The following MYO5C variants were observed in gnomAD, a reference collection of about 807,000 sequenced individuals.
MYO5C encodes the protein myosin VC, also known as unconventional myosin-Vc.
In MYO5C, 194 loss-of-function variants were observed where a neutral mutation model predicts 235.7. The ratio of observed to expected loss-of-function variants is 0.82; its 90% CI spans 0.73 to 0.93. The LOEUF (loss-of-function observed/expected upper bound fraction) is 0.93, where lower values mean the gene tolerates loss of function less well. Among genes scored for constraint, MYO5C ranks in the 40% least tolerant of loss-of-function variants. The probability of loss-of-function intolerance (pLI) is 0.00; values close to 1 mark genes in which losing one functional copy is unlikely to be tolerated. For missense variants in MYO5C, 2,038 were observed against 2,127.2 expected, an observed-to-expected ratio of 0.96 and a Z score of 0.82; for synonymous variants, 707 against 754.8, an observed-to-expected ratio of 0.94 and a Z score of 1.04.
chr15:52,293,949 C>T (rs2037446610), intron 1 of MYO5C, among the ~76,000 whole-genome samples: 1 of 152,210 alleles, frequency 6.6e-6, no homozygotes, highest in Admixed American at 6.5e-5. Context: ...GGCTAACTGC[C>T]CACCAGGAAG....
chr15:52,274,940 C>A (rs2037008128), intron 5 of MYO5C, among the ~76,000 whole-genome samples: 1 of 152,196 alleles, frequency 6.6e-6, no homozygotes, highest in Non-Finnish European at 1.5e-5. Flanking sequence ...TTTTGCGGGG[C>A]AGCTGGAGTT....
At chr15:52,245,204 C>T in intron 18 of MYO5C, 150 bp downstream of exon 18, 1 of 674,452 alleles carries the variant, frequency 1.5e-6, no homozygotes, top group South Asian at 1.7e-5. Flanking sequence ...GCTATGGTCT[C>T]TTCAGCAGAC....
At chr15:52,257,980 G>A (rs931328304) in intron 10 of MYO5C, among the ~76,000 whole-genome samples, 4 of 152,150 alleles carry the variant, frequency 2.6e-5, no homozygotes, top group African/African-American at 7.2e-5. Flanking sequence ...CGCAGCCTTG[G>A]TGGCTCAGAG....
intron 5 of MYO5C, among the ~76,000 whole-genome samples, chr15:52,274,823 T>C (rs2140849499): frequency 6.6e-6 from 1 of 152,346 alleles, no homozygotes; most frequent in East Asian, 1.9e-4. Flanking sequence ...CTGATAAATA[T>C]TCATTGAGGA....
Position 52,293,943 on chromosome 15 carries a change from A to G in MYO5C, c.27+1667T>C, listed in dbSNP as rs147049625. On this transcript the variant is annotated intron_variant, in intron 1 of 40. Coordinates refer to ENST00000261839, the MANE Select transcript of MYO5C (RefSeq NM_018728.4). Reference sequence around the variant, plus strand: ...CTCCAGAACAGACAAAATGGGGGCTAACTGCCCACCAGGAAGGGAGGTGGC... The same window carrying G: ...CTCCAGAACAGACAAAATGGGGGCTGACTGCCCACCAGGAAGGGAGGTGGC... Among the ~76,000 whole-genome samples the G allele has an allele frequency of 9.2e-3, 1,406 of 152,334 alleles. 23 individuals carry two copies. Among genetic ancestry groups the G allele is most frequent in the African/African-American group, 0.033 (1,360 of 41,570 alleles).
At chr15:52,250,913 T>G (rs1210862408) in intron 13 of MYO5C, 2 of 151,836 alleles carry the variant, frequency 1.3e-5, no homozygotes, top group Non-Finnish European at 2.9e-5. Flanking sequence ...ATTTGTTTAG[T>G]AAAAAGAAAA....
intron 29 of MYO5C, among the ~76,000 whole-genome samples, chr15:52,223,253 G>C (rs1187363307): frequency 6.6e-6 from 1 of 152,030 alleles, no homozygotes; most frequent in Non-Finnish European, 1.5e-5. Context: ...CACTTTCCAA[G>C]GGGTTAGGGC....
intron 28 of MYO5C, 141 bp downstream of exon 28, chr15:52,224,760 G>T: frequency 1.5e-6 from 1 of 685,656 alleles, no homozygotes; most frequent in Non-Finnish European, 2.4e-6. Flanking sequence ...TTACTTCTCA[G>T]AGAAATATTT....
intron 9 of MYO5C, among the ~76,000 whole-genome samples, chr15:52,263,872 C>T (rs1838193872): frequency 6.6e-6 from 1 of 152,190 alleles, no homozygotes; most frequent in Admixed American, 6.5e-5. Flanking sequence ...CCCTGAAGGG[C>T]TTCTTGCTTT....
rs534920206 is a variant in MYO5C at position 52,254,986 on chromosome 15, GT to G, written c.1396-1530del. 7.5e-4 allele frequency among the ~76,000 whole-genome samples: 106 copies of G among 142,074 alleles called. 1 individual carries two copies. The highest frequency in any genetic ancestry group is 2.6e-3 in the African/African-American group (99 of 38,712). 93.2% of individuals were successfully genotyped at this position (142,074 alleles called of 152,430 possible). ...ATTTACAATGGAATGAAATTTAATG[GT>G]TATACATGAATTAATTCTGGGCCAA... On this transcript the variant is annotated intron_variant, in intron 11 of 40. Coordinates refer to ENST00000261839, the MANE Select transcript of MYO5C (RefSeq NM_018728.4).
intron 4 of MYO5C, 79 bp downstream of exon 4, chr15:52,278,794 C>A (rs2037102913): frequency 3.9e-6 from 6 of 1,535,022 alleles, no homozygotes; most frequent in Admixed American, 3.5e-5. Context: ...ACCTAGATAT[C>A]TCCCCTCCAC....
chr15:52,230,245 G>A (rs1337070403), intron 24 of MYO5C, among the ~76,000 whole-genome samples: 1 of 152,108 alleles, frequency 6.6e-6, no homozygotes, highest in African/African-American at 2.4e-5. Flanking sequence ...AGCCCACAGG[G>A]GCCCTTGAAG....
intron 32 of MYO5C, among the ~76,000 whole-genome samples, chr15:52,215,840 A>G (rs2035540013): frequency 1.3e-5 from 2 of 152,218 alleles, no homozygotes; most frequent in Non-Finnish European, 2.9e-5. Flanking sequence ...TTCCCATGTC[A>G]TTGATAATAT....
At chr15:52,237,711 C>G in intron 21 of MYO5C, 65 bp from the exon 22 acceptor site, 1 of 1,508,310 alleles carries the variant, frequency 6.6e-7, no homozygotes, top group Non-Finnish European at 8.9e-7. Flanking sequence ...CCATTTAATT[C>G]TCATAGCCTT....
intron 1 of MYO5C, among the ~76,000 whole-genome samples, chr15:52,291,892 C>A (rs1035844941): frequency 3.3e-5 from 5 of 151,580 alleles, no homozygotes; most frequent in African/African-American, 1.2e-4. Flanking sequence ...GCGCCTGCCA[C>A]CACGCCTGGC....
intron 20 of MYO5C, among the ~76,000 whole-genome samples, chr15:52,240,740 A>T: frequency 6.6e-6 from 1 of 152,066 alleles, no homozygotes; most frequent in East Asian, 1.9e-4. Flanking sequence ...TCAAAAATAA[A>T]TAAATAAATA....
intron 38 of MYO5C, among the ~76,000 whole-genome samples, chr15:52,196,734 T>A (rs2035061694): frequency 6.6e-6 from 1 of 152,198 alleles, no homozygotes; most frequent in Admixed American, 6.5e-5. Context: ...GAACAGTGAT[T>A]GCAATCACTT....
intron 30 of MYO5C, among the ~76,000 whole-genome samples, chr15:52,220,637 G>C (rs1174707818): frequency 3.3e-5 from 5 of 150,618 alleles, no homozygotes; most frequent in Non-Finnish European, 7.4e-5. Flanking sequence ...TGGCCAACAT[G>C]GCGAAACCCC....
At chr15:52,228,213 G>A (rs1404884122) in intron 25 of MYO5C, among the ~76,000 whole-genome samples, 6 of 151,564 alleles carry the variant, frequency 4.0e-5, no homozygotes, top group African/African-American at 1.5e-4. Flanking sequence ...GCGCGATCTC[G>A]GCTCACTGCA....
Sources: allele counts gnomAD v4.1 joint callset (sites outside exome capture counted in the v4.1 genomes callset), GRCh38; gene constraint gnomAD v4.1.1; transcripts MANE v1.5; gene names NCBI Gene and HGNC (gene_info 2026-07-23, HGNC 2026-07-21).